RIT2: variants seen among roughly 807,000 people sequenced by gnomAD.
The protein encoded by RIT2 is GTP-binding protein Rit2.
A neutral mutation model predicts 23.7 loss-of-function variants in RIT2; 24 were observed. That is an observed-to-expected ratio of 1.01 (90% CI 0.73 to 1.43). The LOEUF is 1.43. Among genes scored for constraint, RIT2 ranks in the 40% most tolerant of loss-of-function variants. RIT2 has a pLI of 0.00. For synonymous variants in RIT2, 107 were observed against 91.1 expected, an observed-to-expected ratio of 1.17 and a Z score of -0.99; for missense variants, 236 against 266.9, an observed-to-expected ratio of 0.88 and a Z score of 0.81.
chr18:43,071,589 T>C (rs1315753950), intron 1 of RIT2, among the ~76,000 whole-genome samples: 1 of 152,212 alleles, frequency 6.6e-6, no homozygotes, highest in African/African-American at 2.4e-5. Flanking sequence ...ATCTTCAGGT[T>C]GTACAGATAT....
intron 4 of RIT2, among the ~76,000 whole-genome samples, chr18:42,864,386 A>G (rs1051875938): frequency 2.0e-5 from 3 of 152,186 alleles, no homozygotes; most frequent in Admixed American, 2.0e-4. Context: ...TAATTAGTCA[A>G]GCCTTTCTGT....
chr18:43,073,923 T>C (rs141753514), intron 1 of RIT2, among the ~76,000 whole-genome samples: 6 of 152,196 alleles, frequency 3.9e-5, no homozygotes, highest in African/African-American at 7.2e-5. Flanking sequence ...GGGTATTTGA[T>C]AGGCAGAGAT....
At chr18:42,924,782 A>C (rs1474153647) in intron 3 of RIT2, among the ~76,000 whole-genome samples, 1 of 152,086 alleles carries the variant, frequency 6.6e-6, no homozygotes, top group Admixed American at 6.6e-5. Flanking sequence ...AGAACTCACA[A>C]AATGCCCTAC....
intron 4 of RIT2, among the ~76,000 whole-genome samples, chr18:42,862,217 G>A (rs765753439): frequency 2.0e-5 from 3 of 151,982 alleles, no homozygotes; most frequent in Admixed American, 6.6e-5. Flanking sequence ...GATAGAGAGC[G>A]AGTTCTCATG....
chr18:42,969,419 T>C (rs1313310581), intron 3 of RIT2, among the ~76,000 whole-genome samples: 1 of 152,180 alleles, frequency 6.6e-6, no homozygotes, highest in Non-Finnish European at 1.5e-5. Flanking sequence ...ATTAAGCTCG[T>C]AGTAATTCAG....
chr18:42,869,046 C>A (rs775695308), intron 4 of RIT2, among the ~76,000 whole-genome samples: 1 of 152,156 alleles, frequency 6.6e-6, no homozygotes, highest in Non-Finnish European at 1.5e-5. Context: ...TAAACGCAAG[C>A]TTTTTCTTTT....
chr18:42,970,114 G>A lies in RIT2; in HGVS notation c.234+3960C>T, dbSNP rs568023001. Among the ~76,000 whole-genome samples the A allele has an allele frequency of 1.6e-4, 24 of 151,972 alleles. No individual in the cohort carries two copies. The East Asian group carries it at 2.1e-3, about 13-fold the overall frequency. On this transcript the variant is annotated intron_variant, in intron 3 of 4. Transcript: ENST00000326695. ...GACATAGCTAGCTTAAGAATTTGCC[G>A]TACTACCTTAGATAAATCACATTAC...
chr18:42,753,013 C>T (rs544552277), intron 4 of RIT2, among the ~76,000 whole-genome samples: 18 of 152,200 alleles, frequency 1.2e-4, no homozygotes, highest in Non-Finnish European at 1.6e-4. Context: ...AAGAAGATCA[C>T]CGTGTAATAT....
intron 1 of RIT2, among the ~76,000 whole-genome samples, chr18:43,051,228 A>C (rs1398139476): frequency 6.6e-6 from 1 of 152,154 alleles, no homozygotes; most frequent in Non-Finnish European, 1.5e-5. Flanking sequence ...ATTTGGCCAC[A>C]GAAGTCTTCC....
chr18:43,043,178 G>C (rs546885286), intron 1 of RIT2, among the ~76,000 whole-genome samples: 1 of 152,098 alleles, frequency 6.6e-6, no homozygotes, highest in African/African-American at 2.4e-5. Flanking sequence ...ATTTAAGTTT[G>C]ATTTATAACC....
At chr18:42,978,842 T>C (rs931373407) in intron 2 of RIT2, among the ~76,000 whole-genome samples, 24 of 152,160 alleles carry the variant, frequency 1.6e-4, no homozygotes, top group African/African-American at 5.8e-4. Context: ...ATATCTGTTA[T>C]TGGTTGGCCA....
chr18:42,775,487 GAGAT>G (rs1209432177), intron 4 of RIT2, among the ~76,000 whole-genome samples: 1 of 152,008 alleles, frequency 6.6e-6, no homozygotes, highest in Non-Finnish European at 1.5e-5. Flanking sequence ...ACAAGGTCAG[GAGAT>G]CGAGACCATC....
At chr18:42,815,915 A>G (rs1286128316) in intron 4 of RIT2, among the ~76,000 whole-genome samples, 1 of 151,986 alleles carries the variant, frequency 6.6e-6, no homozygotes, top group Non-Finnish European at 1.5e-5. Flanking sequence ...GGACAAACAT[A>G]ACAACCATAG....
rs796881294 is a variant in RIT2 at position 42,945,344 on chromosome 18, C to CT, written c.235-21582dup. ...ATGCATAATCAATAAGTGCATCTAGCTTTTTTTTTTTTAATTCTTTATTTG... is the reference window on the plus strand; with the variant it reads ...ATGCATAATCAATAAGTGCATCTAGCTTTTTTTTTTTTTAATTCTTTATTTG... On this transcript the variant is annotated intron_variant, in intron 3 of 4. Coordinates refer to ENST00000326695, the MANE Select transcript of RIT2 (RefSeq NM_002930.4). Among the ~76,000 whole-genome samples the CT allele has an allele frequency of 4.9e-3, 702 of 144,150 alleles. 8 individuals carry two copies. Among genetic ancestry groups the CT allele is most frequent in the African/African-American group, 0.016 (644 of 39,500 alleles). 94.6% of individuals were successfully genotyped at this position (144,150 alleles called of 152,430 possible). A position where few individuals can be genotyped will look rare whatever the true frequency, so the allele number is the denominator to read the frequency against.
intron 4 of RIT2, among the ~76,000 whole-genome samples, chr18:42,807,613 G>A (rs926053804): frequency 1.2e-4 from 19 of 152,182 alleles, no homozygotes; most frequent in Non-Finnish European, 2.4e-4. Context: ...GCGAAACTCC[G>A]TCTCAAACAA....
chr18:43,084,282 C>T (rs149151065), intron 1 of RIT2, among the ~76,000 whole-genome samples: 47 of 152,190 alleles, frequency 3.1e-4, no homozygotes, highest in African/African-American at 1.1e-3. Context: ...TTTACACTGT[C>T]AGTGGGAGTG....
chr18:42,912,974 C>T (rs936738438), intron 4 of RIT2, among the ~76,000 whole-genome samples: 24 of 151,364 alleles, frequency 1.6e-4, no homozygotes, highest in Non-Finnish European at 2.7e-4. Flanking sequence ...AGAAGAAAAA[C>T]GAGGGAGGAA....
At chr18:42,787,388 C>A (rs1913946817) in intron 4 of RIT2, among the ~76,000 whole-genome samples, 1 of 151,312 alleles carries the variant, frequency 6.6e-6, no homozygotes, top group Non-Finnish European at 1.5e-5. Flanking sequence ...AATAAACCTG[C>A]ACGTTGTGCA....
intron 4 of RIT2, among the ~76,000 whole-genome samples, chr18:42,808,352 T>C (rs1905743172): frequency 6.6e-6 from 1 of 152,180 alleles, no homozygotes; most frequent in African/African-American, 2.4e-5. Context: ...AGAGAGATTA[T>C]GCACTCATGC....
Sources: gnomAD v4.1 joint callset for allele counts (sites outside exome capture counted in the v4.1 genomes callset) on GRCh38, gnomAD v4.1.1 for gene constraint, MANE v1.5 for transcripts, NCBI Gene and HGNC (gene_info 2026-07-23, HGNC 2026-07-21) for gene names.